The following TNIK variants were observed in gnomAD, a reference collection of about 807,000 sequenced individuals.
TNIK encodes TRAF2 and NCK interacting kinase.
TNIK carries 49 observed loss-of-function variants against 191.3 expected under a neutral mutation model. The observed-to-expected ratio is 0.26, with a 90% CI of 0.20 to 0.32. The LOEUF (loss-of-function observed/expected upper bound fraction) is 0.32, where lower values mean the gene tolerates loss of function less well. Among genes scored for constraint, TNIK ranks in the 10% least tolerant of loss-of-function variants. The pLI is 1.00. For synonymous variants in TNIK, 594 were observed against 600.9 expected, an observed-to-expected ratio of 0.99 and a Z score of 0.17; for missense variants, 1,155 against 1,702.3, an observed-to-expected ratio of 0.68 and a Z score of 5.66.
intron 1 of TNIK, among the ~76,000 whole-genome samples, chr3:171,448,434 A>G (rs555965916): frequency 6.6e-6 from 1 of 152,282 alleles, no homozygotes; most frequent in South Asian, 2.1e-4. Context: ...TGCAGTGTGT[A>G]TCAGCACTTC....
Position 171,110,790 on chromosome 3 carries a change from A to G in TNIK, c.2208T>C (p.Pro736=). 10 of 1,604,446 alleles carry G rather than the reference A, an allele frequency of 6.2e-6. No homozygotes were observed. Among genetic ancestry groups the G allele is most frequent in the South Asian group, 1.1e-5 (1 of 88,444 alleles). Residue 736 remains proline (P), a synonymous_variant, in exon 19 of 33, where the codon CCT becomes CCC. Transcript: ENST00000436636. Reference sequence around the variant, plus strand: ...CTCCTTGGGAGCTGGGCTGGGAGCTAGGGGTGCTGGAGCTGGAGGAACTGC... The same window carrying G: ...CTCCTTGGGAGCTGGGCTGGGAGCTGGGGGTGCTGGAGCTGGAGGAACTGC... ...SSGSSSSSST[P]SSQPSSQGGS...
chr3:171,412,030 C>A (rs559440722), intron 1 of TNIK, among the ~76,000 whole-genome samples: 1 of 152,276 alleles, frequency 6.6e-6, no homozygotes, highest in African/African-American at 2.4e-5. Context: ...GGTCTTCAAG[C>A]CTGCTGAGGG....
chr3:171,082,373 G>T lies in TNIK; in HGVS notation c.3191C>A (p.Thr1064Asn). The T allele has an allele frequency of 6.2e-7, 1 of 1,613,804 alleles. No individual in the cohort carries two copies. Among genetic ancestry groups the T allele is most frequent in the Non-Finnish European group, 8.5e-7 (1 of 1,179,792 alleles). Residue 1064 changes from threonine (T) to asparagine (N), a missense_variant, in exon 27 of 33, where the codon ACT (threonine) becomes AAT (asparagine). Around this residue, in one of 3 missense-constraint regions of TNIK, gnomAD observed 195 missense variants for 415.4 expected, o/e 0.47. Transcript: ENST00000436636. ...GTCCAAAAGCATCAGGCCATTTTCA[G>T]TCCCCACCAGAAGGTTTACACCTGT... ...ALWGVNLLVG[T>N]ENGLMLLDRS...
chr3:171,299,531 G>C (rs1292908763), intron 2 of TNIK, among the ~76,000 whole-genome samples: 3 of 152,196 alleles, frequency 2.0e-5, no homozygotes, highest in African/African-American at 7.2e-5. Context: ...ACAATGAAAG[G>C]TGACTTTTAT....
At chr3:171,347,255 A>C in intron 2 of TNIK, 1 of 1,525,430 alleles carries the variant, frequency 6.6e-7, no homozygotes, top group Non-Finnish European at 8.8e-7. Context: ...AAATGACAAA[A>C]CCCTAGCTCA....
At chr3:171,065,159 C>A (rs1216625414) in intron 32 of TNIK, among the ~76,000 whole-genome samples, 4 of 152,142 alleles carry the variant, frequency 2.6e-5, no homozygotes, top group African/African-American at 7.2e-5. Context: ...GGTATCCATA[C>A]CCAGATCACT....
chr3:171,400,580 A>G (rs947691109), intron 1 of TNIK, among the ~76,000 whole-genome samples: 1 of 151,904 alleles, frequency 6.6e-6, no homozygotes, highest in African/African-American at 2.4e-5. Context: ...CACAATAAAT[A>G]AATAAATAAA....
In TNIK at chr3:171,084,191, G is replaced by T. The variant is rs759338285; in HGVS notation, c.3133C>A (p.Arg1045=). The change falls in exon 26 of 33, where the codon CGA becomes AGA. Residue 1045 remains arginine (R), a synonymous_variant. Coordinates refer to ENST00000436636, the MANE Select transcript of TNIK (RefSeq NM_015028.4). ...GCACAAAGTATTTCTGAGTTGAATC[G>T]TTTCTTGTATTTTCTGATTTCTGGT... ...DTPEIRKYKK[R]FNSEILCAAL... The T allele has an allele frequency of 6.2e-7, 1 of 1,611,806 alleles. No homozygotes were observed. Among genetic ancestry groups the T allele is most frequent in the South Asian group, 1.1e-5 (1 of 90,994 alleles).
chr3:171,289,965 G>A (rs981458617), intron 2 of TNIK, among the ~76,000 whole-genome samples: 52 of 151,770 alleles, frequency 3.4e-4, no homozygotes, highest in Admixed American at 2.0e-3. Context: ...CTAGGCTATG[G>A]TTTCCCACCT....
At chr3:171,219,074 AATAT>A (rs746843883) in intron 3 of TNIK, among the ~76,000 whole-genome samples, 3 of 129,894 alleles carry the variant, frequency 2.3e-5, no homozygotes, top group African/African-American at 8.6e-5. Flanking sequence ...TAAATATATA[AATAT>A]ATATTTTATA....
intron 1 of TNIK, among the ~76,000 whole-genome samples, chr3:171,398,260 C>T (rs934211930): frequency 2.0e-5 from 3 of 152,148 alleles, no homozygotes; most frequent in African/African-American, 7.2e-5. Context: ...TGCAAGTTTC[C>T]ACTGTGTAGT....
At chr3:171,304,366 C>T (rs926187328) in intron 2 of TNIK, among the ~76,000 whole-genome samples, 1 of 151,112 alleles carries the variant, frequency 6.6e-6, no homozygotes, top group African/African-American at 2.4e-5. Context: ...AACAACAGGT[C>T]CTGGAGAGGA....
intron 24 of TNIK, among the ~76,000 whole-genome samples, chr3:171,086,889 C>T (rs1247215807): frequency 6.6e-6 from 1 of 152,210 alleles, no homozygotes; most frequent in Non-Finnish European, 1.5e-5. Flanking sequence ...AAGAACTTAT[C>T]TATTTATTAA....
At chr3:171,335,635 T>C (rs966020971) in intron 2 of TNIK, among the ~76,000 whole-genome samples, 1 of 152,244 alleles carries the variant, frequency 6.6e-6, no homozygotes, top group Non-Finnish European at 1.5e-5. Context: ...TATTCTGCTA[T>C]ATGGATGTGG....
At chr3:171,298,868 A>G (rs924110925) in intron 2 of TNIK, among the ~76,000 whole-genome samples, 2 of 152,240 alleles carry the variant, frequency 1.3e-5, no homozygotes, top group African/African-American at 4.8e-5. Flanking sequence ...AAAACTCTGG[A>G]TGCTTCATTT....
At chr3:171,271,312 T>C (rs1221021240) in intron 2 of TNIK, among the ~76,000 whole-genome samples, 1 of 152,256 alleles carries the variant, frequency 6.6e-6, no homozygotes, top group Non-Finnish European at 1.5e-5. Flanking sequence ...ATAGTAATTA[T>C]TGGCTTCACT....
At chr3:171,104,419 T>G (rs978870998) in intron 21 of TNIK, among the ~76,000 whole-genome samples, 13 of 152,090 alleles carry the variant, frequency 8.5e-5, no homozygotes, top group Admixed American at 7.9e-4. Context: ...TAAAAAGTAT[T>G]TAAAAAACAA....
intron 1 of TNIK, among the ~76,000 whole-genome samples, chr3:171,445,155 C>T (rs1727327258): frequency 6.6e-6 from 1 of 152,098 alleles, no homozygotes; most frequent in Non-Finnish European, 1.5e-5. Flanking sequence ...CGAGCCCAGG[C>T]ATGGTGGCTC....
chr3:171,371,799 G>A (rs1716527412), intron 1 of TNIK, among the ~76,000 whole-genome samples: 1 of 152,202 alleles, frequency 6.6e-6, no homozygotes. Context: ...ATAAATGGTG[G>A]CAGCTGCTGT....
Sources: gnomAD v4.1 joint callset for allele counts (sites outside exome capture counted in the v4.1 genomes callset) on GRCh38, gnomAD v4.1.1 for gene constraint, gnomAD v4.1.1 regional missense constraint, MANE v1.5 for transcripts, NCBI Gene and HGNC (gene_info 2026-07-23, HGNC 2026-07-21) for gene names.